TMTC1: variants seen among roughly 807,000 people sequenced by gnomAD.
The protein encoded by TMTC1 is protein O-mannosyl-transferase TMTC1.
In TMTC1, 73 loss-of-function variants were observed where a neutral mutation model predicts 104.8. The observed-to-expected ratio is 0.70, with a 90% CI of 0.58 to 0.85. The LOEUF (loss-of-function observed/expected upper bound fraction) is 0.85, where lower values mean the gene tolerates loss of function less well. Among genes scored for constraint, TMTC1 ranks in the 40% least tolerant of loss-of-function variants. The pLI is 0.00. For missense variants in TMTC1, 1,035 were observed against 1,096.1 expected, an observed-to-expected ratio of 0.94 and a Z score of 0.79; for synonymous variants, 434 against 428.7, an observed-to-expected ratio of 1.01 and a Z score of -0.15.
intron 5 of TMTC1, among the ~76,000 whole-genome samples, chr12:29,730,918 C>T (rs1942529698): frequency 6.6e-6 from 1 of 152,058 alleles, no homozygotes; most frequent in Non-Finnish European, 1.5e-5. Flanking sequence ...TTTTAAATCC[C>T]TGTTTTATGC....
At chr12:29,557,040 CTTCT>C in intron 9 of TMTC1, 40 bp from the exon 10 acceptor site, 1 of 1,606,052 alleles carries the variant, frequency 6.2e-7, no homozygotes, top group Non-Finnish European at 8.5e-7. Context: ...GGTTCAAAAA[CTTCT>C]AAGTTGGGCA....
intron 5 of TMTC1, among the ~76,000 whole-genome samples, chr12:29,710,837 T>C (rs1231908148): frequency 7.3e-6 from 1 of 136,506 alleles, no homozygotes; most frequent in African/African-American, 2.8e-5. Flanking sequence ...ATAATATAAA[T>C]ATATTAATAA....
intron 5 of TMTC1, among the ~76,000 whole-genome samples, chr12:29,751,452 C>T (rs979489657): frequency 5.3e-5 from 8 of 152,132 alleles, no homozygotes; most frequent in African/African-American, 1.4e-4. Context: ...AGGGCTTCCA[C>T]TTGCTTCCTC....
At chr12:29,584,585 C>T (rs375115193) in intron 7 of TMTC1, among the ~76,000 whole-genome samples, 8 of 151,972 alleles carry the variant, frequency 5.3e-5, no homozygotes, top group African/African-American at 1.5e-4. Flanking sequence ...AATGCTAGCC[C>T]GCCCCGCTTC....
At chr12:29,675,758 C>T (rs7299952) in intron 5 of TMTC1, among the ~76,000 whole-genome samples, 21,153 of 152,010 alleles carry the variant, frequency 0.14, 1,775 homozygotes, top group East Asian at 0.35. Context: ...ATTTTCTCAC[C>T]CACGCTTTCC....
chr12:29,649,818 G>C (rs1939433759), intron 5 of TMTC1, among the ~76,000 whole-genome samples: 1 of 152,192 alleles, frequency 6.6e-6, no homozygotes, highest in African/African-American at 2.4e-5. Context: ...TATCAGGTGT[G>C]TTACAACCTT....
chr12:29,548,544 C>T (rs1470668823), intron 10 of TMTC1, among the ~76,000 whole-genome samples: 1 of 151,988 alleles, frequency 6.6e-6, no homozygotes, highest in African/African-American at 2.4e-5. Flanking sequence ...TACAGTTCCC[C>T]TGCACACACT....
intron 10 of TMTC1, among the ~76,000 whole-genome samples, chr12:29,537,166 A>G (rs1007059578): frequency 8.5e-5 from 13 of 152,214 alleles, no homozygotes; most frequent in African/African-American, 2.7e-4. Context: ...AGTGCTAGAC[A>G]TTGTAATTGT....
chr12:29,525,611 G>A (rs951643032), intron 11 of TMTC1, among the ~76,000 whole-genome samples: 3 of 150,506 alleles, frequency 2.0e-5, no homozygotes, highest in Non-Finnish European at 1.5e-5. Context: ...TCTAGCGAAA[G>A]TATACTTTGG....
intron 5 of TMTC1, chr12:29,660,887 TA>T: frequency 6.7e-7 from 1 of 1,490,586 alleles, no homozygotes; most frequent in African/African-American, 1.4e-5. Context: ...CTCAGATACC[TA>T]AAACGGGAAA....
At chr12:29,637,737 CT>C (rs1413877706) in intron 5 of TMTC1, among the ~76,000 whole-genome samples, 10 of 152,164 alleles carry the variant, frequency 6.6e-5, no homozygotes, top group Admixed American at 5.2e-4. Context: ...CAGCAAAAAC[CT>C]ATCTGGCTAA....
chr12:29,748,504 T>C (rs1943011361), intron 5 of TMTC1, among the ~76,000 whole-genome samples: 1 of 152,252 alleles, frequency 6.6e-6, no homozygotes, highest in South Asian at 2.1e-4. Context: ...AGCACAAGTT[T>C]AGGAGTCAAA....
chr12:29,639,184 G>A (rs1231033218), intron 5 of TMTC1, among the ~76,000 whole-genome samples: 1 of 152,202 alleles, frequency 6.6e-6, no homozygotes, highest in East Asian at 1.9e-4. Context: ...CATTGCTGGT[G>A]AGAACACACA....
At chr12:29,587,170 G>A (rs564989960) in intron 7 of TMTC1, among the ~76,000 whole-genome samples, 367 of 152,252 alleles carry the variant, frequency 2.4e-3, no homozygotes, top group African/African-American at 8.6e-3. Context: ...TTGGGAGGGT[G>A]TAAGTGTCGA....
At chr12:29,636,330 A>T (rs1008773128) in intron 5 of TMTC1, among the ~76,000 whole-genome samples, 1 of 152,240 alleles carries the variant, frequency 6.6e-6, no homozygotes, top group African/African-American at 2.4e-5. Flanking sequence ...TCTTATTTCC[A>T]CCTACGGCTT....
At chr12:29,604,966 TGCAAAGA>T in intron 6 of TMTC1, among the ~76,000 whole-genome samples, 1 of 151,926 alleles carries the variant, frequency 6.6e-6, no homozygotes, top group Admixed American at 6.6e-5. Flanking sequence ...TATCTTTATT[TGCAAAGA>T]TTTTTATGTC....
intron 5 of TMTC1, among the ~76,000 whole-genome samples, chr12:29,663,683 A>G (rs925733986): frequency 4.3e-5 from 6 of 140,326 alleles, no homozygotes; most frequent in African/African-American, 1.6e-4. Flanking sequence ...TGCCTGGCTA[A>G]TATTTGTACT....
chr12:29,657,297 G>T (rs955886803), intron 5 of TMTC1, among the ~76,000 whole-genome samples: 3 of 152,164 alleles, frequency 2.0e-5, no homozygotes, highest in Non-Finnish European at 4.4e-5. Flanking sequence ...CAGAACACAA[G>T]AAAATATATT....
intron 5 of TMTC1, among the ~76,000 whole-genome samples, chr12:29,732,942 T>G (rs1942582438): frequency 6.6e-6 from 1 of 152,146 alleles, no homozygotes; most frequent in Non-Finnish European, 1.5e-5. Flanking sequence ...GGATAAAGCC[T>G]CTCACCTCTA....
Sources: gnomAD v4.1 joint callset for allele counts (sites outside exome capture counted in the v4.1 genomes callset) on GRCh38, gnomAD v4.1.1 for gene constraint, MANE v1.5 for transcripts, NCBI Gene and HGNC (gene_info 2026-07-23, HGNC 2026-07-21) for gene names.